Variants in GSTCD observed in about 807,000 individuals in gnomAD.
GSTCD encodes glutathione S-transferase C-terminal domain-containing protein.
GSTCD carries 44 observed loss-of-function variants against 68.3 expected under a neutral mutation model. The ratio of observed to expected loss-of-function variants is 0.64; its 90% CI spans 0.51 to 0.83. The LOEUF is 0.83. GSTCD is among the 40% of genes least tolerant of loss of function. The pLI, the probability that GSTCD is intolerant of heterozygous loss-of-function variation, is 0.00. For synonymous variants in GSTCD, 273 were observed against 255.2 expected (o/e 1.07, Z -0.67); for missense variants, 739 against 735.9 (o/e 1.00, Z -0.05).
intron 5 of GSTCD, among the ~76,000 whole-genome samples, chr4:105,733,004 A>G (rs914627439): frequency 3.3e-5 from 5 of 152,130 alleles, no homozygotes; most frequent in Non-Finnish European, 5.9e-5. Context: ...GCGGTTTTGA[A>G]TGAGTTTCTT....
chr4:105,813,588 C>G (rs983131300), intron 5 of GSTCD, among the ~76,000 whole-genome samples: 1 of 152,106 alleles, frequency 6.6e-6, no homozygotes, highest in Non-Finnish European at 1.5e-5. Flanking sequence ...TTTCTGAAAC[C>G]CAAAATACTT....
chr4:105,740,819 T>G (rs982582599), intron 5 of GSTCD, among the ~76,000 whole-genome samples: 2 of 152,120 alleles, frequency 1.3e-5, no homozygotes, highest in Non-Finnish European at 2.9e-5. Flanking sequence ...TGTTAAAGTC[T>G]GGGTCCCTAT....
chr4:105,796,687 G>C (rs1452413685), intron 5 of GSTCD, among the ~76,000 whole-genome samples: 1 of 152,062 alleles, frequency 6.6e-6, no homozygotes, highest in Admixed American at 6.6e-5. Context: ...CTGGTATAAA[G>C]GTCACAAACT....
chr4:105,773,634 A>G (rs1041377861), intron 5 of GSTCD, among the ~76,000 whole-genome samples: 1 of 152,166 alleles, frequency 6.6e-6, no homozygotes, highest in Non-Finnish European at 1.5e-5. Flanking sequence ...GTCACTCAGG[A>G]GCAGGTTGTT....
At chr4:105,801,121 A>G (rs982719781) in intron 5 of GSTCD, among the ~76,000 whole-genome samples, 1 of 152,134 alleles carries the variant, frequency 6.6e-6, no homozygotes, top group Non-Finnish European at 1.5e-5. Context: ...TGAGAAGGAT[A>G]CTTGTTTATA....
At chr4:105,838,425 T>G (rs1470448683) in intron 10 of GSTCD, among the ~76,000 whole-genome samples, 2 of 152,268 alleles carry the variant, frequency 1.3e-5, no homozygotes, top group South Asian at 4.1e-4. Flanking sequence ...ATGCTGGCCA[T>G]AACAAATCTC....
Position 105,825,421 on chromosome 4 carries a change from C to T in GSTCD, c.1402-251C>T, listed in dbSNP as rs115073027. ...TTGGGATTACAGGCGTGAGCCACCA[C>T]GCCCGGCCCACGCTGTATTATTATT... is the stretch of plus-strand genomic sequence containing the variant. On this transcript the variant is annotated intron_variant, in intron 7 of 11. Coordinates refer to ENST00000515279, the MANE Select transcript of GSTCD (RefSeq NM_001370181.1). Among the ~76,000 whole-genome samples, 1,347 of 152,282 alleles carry T rather than the reference C, an allele frequency of 8.8e-3. 21 individuals are homozygous for T. Among genetic ancestry groups the T allele is most frequent in the African/African-American group, 0.031 (1,270 of 41,540 alleles).
At position 105,726,641 on chromosome 4, in the gene GSTCD, C is replaced by T; in HGVS notation, c.957C>T (p.Tyr319=). The change falls in exon 4 of 12, where the codon TAC becomes TAT. Residue 319 remains tyrosine (Y), a synonymous_variant. Coordinates refer to ENST00000515279, the MANE Select transcript of GSTCD (RefSeq NM_001370181.1). ...AATTTCCATTGCTAGCCTCTTGGTA[C>T]CAGAGGATTCAGGAAGTGCCAGGAG... The part of the protein sequence containing the change: ...LVEFPLLASW[Y]QRIQEVPGVK... 6.2e-7 allele frequency: 1 copy of T among 1,612,980 alleles called. No homozygotes were observed. The highest frequency in any genetic ancestry group is 1.3e-5 in the African/African-American group (1 of 74,986).
At chr4:105,799,025 T>A (rs7696408) in intron 5 of GSTCD, among the ~76,000 whole-genome samples, 20 of 152,376 alleles carry the variant, frequency 1.3e-4, no homozygotes, top group African/African-American at 4.3e-4. Flanking sequence ...ACTTGCTGCA[T>A]CTTCTACTTC....
At chr4:105,729,134 C>T (rs1026485735) in intron 4 of GSTCD, among the ~76,000 whole-genome samples, 2 of 151,988 alleles carry the variant, frequency 1.3e-5, no homozygotes, top group Non-Finnish European at 1.5e-5. Context: ...TTCTAGGTAG[C>T]TTATTGCTTC....
chr4:105,776,387 A>G (rs1735063717), intron 5 of GSTCD, among the ~76,000 whole-genome samples: 1 of 151,950 alleles, frequency 6.6e-6, no homozygotes, highest in Admixed American at 6.6e-5. Context: ...CTGGGGTATG[A>G]AAAAAAACTC....
intron 5 of GSTCD, among the ~76,000 whole-genome samples, chr4:105,757,857 C>A (rs950819454): frequency 6.6e-6 from 1 of 152,108 alleles, no homozygotes; most frequent in African/African-American, 2.4e-5. Context: ...AAGACTATTT[C>A]AATATAAATG....
Position 105,726,830 on chromosome 4 carries a change from G to A in GSTCD, c.1146G>A (p.Met382Ile), listed in dbSNP as rs1446221641. 1.3e-6 allele frequency: 2 copies of A among 1,586,862 alleles called. No homozygotes were observed. The highest frequency in any genetic ancestry group is 3.4e-4 in the Middle Eastern group (2 of 5,920). ...GGPRPTMAKL[M>I]EKGIEVMFSP... ...CAAGACCAACCATGGCCAAGTTAAT[G>A]GTACTTAATTATTAACATTTTCTTT... Residue 382 changes from methionine to isoleucine, a missense_variant and splice_region_variant, in exon 4 of 12, where the codon ATG becomes ATA. By Grantham distance (10) the Met-to-Ile change is conservative. Transcript: ENST00000515279.
intron 5 of GSTCD, among the ~76,000 whole-genome samples, chr4:105,796,532 A>G (rs552516487): frequency 6.6e-6 from 1 of 152,324 alleles, no homozygotes; most frequent in East Asian, 1.9e-4. Flanking sequence ...AGCCAAATAC[A>G]ACATTTGCCA....
chr4:105,754,749 A>G (rs940126985), intron 5 of GSTCD, among the ~76,000 whole-genome samples: 7 of 152,154 alleles, frequency 4.6e-5, no homozygotes, highest in African/African-American at 1.7e-4. Context: ...TAAACAAGAC[A>G]TTAAAATGTT....
At chr4:105,791,164 T>G (rs995973071) in intron 5 of GSTCD, among the ~76,000 whole-genome samples, 1 of 151,628 alleles carries the variant, frequency 6.6e-6, no homozygotes, top group African/African-American at 2.4e-5. Flanking sequence ...GAGGCCGAGG[T>G]GGGCGGATCA....
chr4:105,714,611 T>C (rs981171264), intron 1 of GSTCD, among the ~76,000 whole-genome samples: 1 of 151,136 alleles, frequency 6.6e-6, no homozygotes, highest in African/African-American at 2.4e-5. Context: ...TAGTACATAA[T>C]AGGGAGACAT....
At chr4:105,737,814 A>G (rs924674900) in intron 5 of GSTCD, among the ~76,000 whole-genome samples, 1 of 152,202 alleles carries the variant, frequency 6.6e-6, no homozygotes, top group African/African-American at 2.4e-5. Flanking sequence ...TGTCCTCTGT[A>G]AATCTCAAGT....
At chr4:105,728,680 T>TATAGATATAGATATAGATATATAG (rs368056265) in intron 4 of GSTCD, among the ~76,000 whole-genome samples, 84 of 146,944 alleles carry the variant, frequency 5.7e-4, no homozygotes, top group African/African-American at 2.1e-3. Context: ...TAGATATAGA[T>TATAGATATAGATATAGATATATAG]ATATAGATAT....
Sources: allele counts gnomAD v4.1 joint callset (sites outside exome capture counted in the v4.1 genomes callset), GRCh38; gene constraint gnomAD v4.1.1; transcripts MANE v1.5; gene names NCBI Gene and HGNC (gene_info 2026-07-23, HGNC 2026-07-21).